The following ZFYVE26 variants were observed in gnomAD, a reference collection of about 807,000 sequenced individuals.
ZFYVE26 encodes the protein zinc finger FYVE domain-containing protein 26.
A neutral mutation model predicts 276.5 loss-of-function variants in ZFYVE26; 181 were observed. The ratio of observed to expected loss-of-function variants is 0.65; its 90% CI spans 0.58 to 0.74. The LOEUF (loss-of-function observed/expected upper bound fraction) is 0.74. Among genes scored for constraint, ZFYVE26 ranks in the 30% least tolerant of loss-of-function variants. ZFYVE26 has a pLI of 0.00. For missense variants in ZFYVE26, 2,821 were observed against 3,097.9 expected (o/e 0.91, Z 2.12); for synonymous variants, 1,129 against 1,203.1 (o/e 0.94, Z 1.27).
chr14:67,768,892 T>C (rs1306136372), intron 29 of ZFYVE26, among the ~76,000 whole-genome samples: 3 of 152,122 alleles, frequency 2.0e-5, no homozygotes, highest in African/African-American at 4.8e-5. Flanking sequence ...AATAATGCTA[T>C]GGAGGAGAAT....
At chr14:67,763,212 C>T (rs918198579) in intron 32 of ZFYVE26, among the ~76,000 whole-genome samples, 1 of 152,164 alleles carries the variant, frequency 6.6e-6, no homozygotes, top group Non-Finnish European at 1.5e-5. Context: ...TGAAAGTGAT[C>T]ATGAGAATTG....
intron 13 of ZFYVE26, chr14:67,729,952 T>C: frequency 2.6e-6 from 1 of 388,688 alleles, no homozygotes; most frequent in Non-Finnish European, 5.0e-6. Flanking sequence ...CAGCCCTGTC[T>C]GCTCTGTTGT....
At chr14:67,802,764 C>T (rs949251527) in intron 9 of ZFYVE26, among the ~76,000 whole-genome samples, 3 of 151,974 alleles carry the variant, frequency 2.0e-5, no homozygotes, top group African/African-American at 7.3e-5. Context: ...ATCTGTTAAA[C>T]AAGCTGCCTA....
At position 67,809,267 on chromosome 14, in the gene ZFYVE26, C is replaced by T. The variant is rs758392268; in HGVS notation, c.296G>A (p.Arg99Gln). 2.0e-5 allele frequency: 33 copies of T among 1,613,612 alleles called. No homozygotes were observed. The highest frequency in any genetic ancestry group is 4.4e-5 in the South Asian group (4 of 91,058). ...REKKLLPVVF[R>Q]RKLEFLLLSE... ...CAATAAAAGAAACTCAAGCTTTCTCCGGAAAACAACTGGGAGTAACTTCTA... is the reference window on the plus strand; with the variant it reads ...CAATAAAAGAAACTCAAGCTTTCTCTGGAAAACAACTGGGAGTAACTTCTA... Residue 99 changes from arginine (R) to glutamine (Q), a missense_variant, in exon 4 of 42, where the codon CGG becomes CAG. Physicochemically the swap from Arg to Gln is conservative, Grantham distance 43. Transcript: ENST00000347230.
intron 10 of ZFYVE26, among the ~76,000 whole-genome samples, chr14:67,800,775 G>A (rs572097489): frequency 1.3e-5 from 2 of 152,086 alleles, no homozygotes; most frequent in South Asian, 4.2e-4. Flanking sequence ...TTAGCTCTAA[G>A]GTAAAGTCGA....
rs754738047 is a variant in ZFYVE26 at position 67,809,283 on chromosome 14, G to A, written c.280C>T (p.Leu94Phe). The change falls in exon 4 of 42, where the codon CTC becomes TTC. Residue 94 changes from leucine (L) to phenylalanine (F), a missense_variant. Physicochemically the swap from Leu to Phe is conservative, Grantham distance 22. Transcript: ENST00000347230. ...EKWLAREKKL[L>F]PVVFRRKLEF... ...AGCTTTCTCCGGAAAACAACTGGGA[G>A]TAACTTCTAGAAGAATCAAAAGAAT... 1.7e-5 allele frequency: 28 copies of A among 1,612,296 alleles called. No homozygotes were observed. In the Admixed American group the frequency reaches 2.2e-4, roughly 12 times the overall value.
rs531708348 is a variant in ZFYVE26 at position 67,762,770 on chromosome 14, G to A, written c.6061C>T (p.Arg2021Cys). 9.3e-6 allele frequency: 15 copies of A among 1,614,208 alleles called. No individual in the cohort carries two copies. Among genetic ancestry groups the A allele is most frequent in the Middle Eastern group, 3.3e-4 (2 of 6,060 alleles). The change falls in exon 33 of 42, where the codon CGC becomes TGC. Residue 2021 changes from arginine to cysteine, a missense_variant. Arg to Cys is a radical substitution (Grantham distance 180, BLOSUM62 -3). Transcript: ENST00000347230. Reference protein sequence around the residue: ...VLNILVAAAYRHVPSLDQILQ... With the variant: ...VLNILVAAAYCHVPSLDQILQ... Reference sequence around the variant, plus strand: ...ATCTGATCCAAAGATGGCACGTGGCGATAGGCAGCAGCAACTAAAATATTC... The same window carrying A: ...ATCTGATCCAAAGATGGCACGTGGCAATAGGCAGCAGCAACTAAAATATTC...
intron 28 of ZFYVE26, among the ~76,000 whole-genome samples, chr14:67,770,771 C>G (rs531318315): frequency 4.6e-5 from 7 of 152,272 alleles, no homozygotes; most frequent in African/African-American, 1.4e-4. Context: ...AGATTAGAAA[C>G]TCTTTCTATA....
At chr14:67,795,248 G>C (rs569402025) in intron 12 of ZFYVE26, among the ~76,000 whole-genome samples, 61 of 152,292 alleles carry the variant, frequency 4.0e-4, no homozygotes, top group African/African-American at 1.4e-3. Flanking sequence ...TCTGCCTTCT[G>C]ACCCAAAACA....
chr14:67,790,812 C>T, intron 14 of ZFYVE26, 39 bp from the exon 15 acceptor site: 3 of 1,590,076 alleles, frequency 1.9e-6, no homozygotes, highest in Middle Eastern at 3.3e-4. Flanking sequence ...CTGGTGGTCC[C>T]ACTGATTTAG....
chr14:67,747,243 A>T lies in ZFYVE26; in HGVS notation c.*1193T>A, dbSNP rs1028629234. On this transcript the variant is annotated 3_prime_UTR_variant, in exon 42 of 42. Coordinates refer to ENST00000347230, the MANE Select transcript of ZFYVE26 (RefSeq NM_015346.4). ...ACAAGACAGTGCATATTAAAGAAGC[A>T]CTTCACCTAGTTTTCCACCAACCAG... The T allele has an allele frequency of 6.6e-6, 1 of 152,278 alleles. No individual in the cohort carries two copies. Among genetic ancestry groups the T allele is most frequent in the Non-Finnish European group, 1.5e-5 (1 of 68,048 alleles). The allele number at this position is 152,278 out of a possible 1,614,324, so 9.4% of individuals were successfully genotyped here. A position where few individuals can be genotyped will look rare whatever the true frequency, so the allele number is the denominator to read the frequency against.
chr14:67,729,177 CCT>C lies in ZFYVE26; in HGVS notation n.3288+32_3288+33del, dbSNP rs767798529. 2 of 1,612,562 alleles carry C rather than the reference CCT, an allele frequency of 1.2e-6. No individual in the cohort carries two copies. The highest frequency in any genetic ancestry group is 4.5e-5 in the East Asian group (2 of 44,892). On this transcript the variant is annotated intron_variant and non_coding_transcript_variant, in intron 14 of 14. Coordinates refer to the ZFYVE26 transcript ENST00000394455. ...GAGTGTGTCCCTGATCTAATTGTGC[CCT>C]CTTTGTCCCAGGCACCGGGGTCACC... is the stretch of plus-strand genomic sequence containing the variant.
rs941230062 is a variant in ZFYVE26 at position 67,794,234 on chromosome 14, G to C, written c.2338C>G (p.Arg780Gly). The C allele has an allele frequency of 6.2e-7, 1 of 1,614,092 alleles. No individual in the cohort carries two copies. Among genetic ancestry groups the C allele is most frequent in the Non-Finnish European group, 8.5e-7 (1 of 1,179,940 alleles). Residue 780 changes from arginine to glycine, a missense_variant, in exon 13 of 42, where the codon CGA becomes GGA. Physicochemically the swap from Arg to Gly is moderately radical, Grantham distance 125. Transcript: ENST00000347230. ...RRTRRSQADG[R>G]DRGSNPSLES... The stretch of plus-strand genomic sequence containing the variant: ...AGGGATGGGTTTGAACCTCTGTCTC[G>C]GCCATCTACAGGTATTGGGAAGAAG...
rs753557379 is a variant in ZFYVE26, at chr14:67,790,628, C to T, written c.2699G>A (p.Arg900Gln). The T allele has an allele frequency of 6.2e-6, 10 of 1,614,144 alleles. No homozygotes were observed. Among genetic ancestry groups the T allele is most frequent in the Admixed American group, 3.3e-5 (2 of 60,016 alleles). The change falls in exon 15 of 42, where the codon CGG becomes CAG. Residue 900 changes from arginine (R) to glutamine (Q), a missense_variant. By Grantham distance (43) the Arg-to-Gln change is conservative. Coordinates refer to ENST00000347230, the MANE Select transcript of ZFYVE26 (RefSeq NM_015346.4). Reference sequence around the variant, plus strand: ...AGTTGAGCGGCCACTGCCAGTTCTCCGAATGGTGCTGCTACCCGCATCTGA... The same window carrying T: ...AGTTGAGCGGCCACTGCCAGTTCTCTGAATGGTGCTGCTACCCGCATCTGA... ...QNSDAGSSTIRRTGSGRSTLQ... is the reference protein window; with the variant it reads ...QNSDAGSSTIQRTGSGRSTLQ...
intron 41 of ZFYVE26, among the ~76,000 whole-genome samples, chr14:67,750,310 C>G (rs1297810321): frequency 6.6e-6 from 1 of 152,208 alleles, no homozygotes; most frequent in South Asian, 2.1e-4. Context: ...ATTAGCAATA[C>G]TGCCATGGGG....
intron 25 of ZFYVE26, among the ~76,000 whole-genome samples, chr14:67,776,743 A>T (rs2039354639): frequency 6.6e-6 from 1 of 152,234 alleles, no homozygotes; most frequent in Non-Finnish European, 1.5e-5. Context: ...GACCCTGTTC[A>T]CTGCCAGTTT....
chr14:67,795,335 A>AT (rs2140239775), intron 12 of ZFYVE26, among the ~76,000 whole-genome samples: 1 of 152,308 alleles, frequency 6.6e-6, no homozygotes, highest in South Asian at 2.1e-4. Context: ...CCCACCCAGT[A>AT]TGCTCACCTT....
chr14:67,767,018 T>C (rs1003448643), intron 31 of ZFYVE26, among the ~76,000 whole-genome samples: 1 of 152,174 alleles, frequency 6.6e-6, no homozygotes, highest in Admixed American at 6.5e-5. Flanking sequence ...TACCTACTTC[T>C]TGACAATGTC....
At position 67,804,220 on chromosome 14, in the gene ZFYVE26, C is replaced by G. The variant is rs752239573; in HGVS notation, c.1316G>C (p.Gly439Ala). The change falls in exon 9 of 42, where the codon GGA becomes GCA. Residue 439 changes from glycine (G) to alanine (A), a missense_variant. Transcript: ENST00000347230. ...AGTGTAGAGCACTGAGTGGCTGTCT[C>G]CACCGTGTAAATGATACAACAGATC... ...KRDLLYHLHG[G>A]DSHSVLYTLH... is the part of the protein sequence containing the mutation. 1 of 1,613,834 alleles carries G rather than the reference C, an allele frequency of 6.2e-7. No individual in the cohort carries two copies. Among genetic ancestry groups the G allele is most frequent in the Non-Finnish European group, 8.5e-7 (1 of 1,179,918 alleles).
Sources: allele counts gnomAD v4.1 joint callset (sites outside exome capture counted in the v4.1 genomes callset), GRCh38; gene constraint gnomAD v4.1.1; transcripts MANE v1.5; gene names NCBI Gene and HGNC (gene_info 2026-07-23, HGNC 2026-07-21).